Variants in RANBP2 observed in about 807,000 individuals in gnomAD.
RANBP2 encodes E3 SUMO-protein ligase RanBP2.
Under a neutral mutation model 303.6 loss-of-function variants are expected in RANBP2, and 57 were observed. The ratio of observed to expected loss-of-function variants is 0.19; its 90% confidence interval spans 0.15 to 0.23. The LOEUF is 0.23. Among genes scored for constraint, RANBP2 ranks in the 10% least tolerant of loss-of-function variants. The probability of loss-of-function intolerance (pLI) is 1.00; values close to 1 mark genes in which losing one functional copy is unlikely to be tolerated. For missense variants in RANBP2, 3,138 were observed against 3,780.8 expected, an observed-to-expected ratio of 0.83 and a Z score of 4.46; for synonymous variants, 1,167 against 1,301.5, an observed-to-expected ratio of 0.90 and a Z score of 2.23.
At chr2:109,116,179 C>T in the RANBP2 span, among the ~76,000 whole-genome samples, 1 of 152,128 alleles carries the variant, frequency 6.6e-6, no homozygotes, top group Non-Finnish European at 1.5e-5. Flanking sequence ...TGTTGGTCTG[C>T]CTTGCTAGAT....
chr2:108,972,969 AT>A, the RANBP2 span, among the ~76,000 whole-genome samples: 1 of 151,926 alleles, frequency 6.6e-6, no homozygotes, highest in African/African-American at 2.4e-5. Context: ...GCAGGTGTTT[AT>A]TTTTTTATTT....
the RANBP2 span, among the ~76,000 whole-genome samples, chr2:109,320,648 C>A: frequency 6.6e-6 from 1 of 152,086 alleles, no homozygotes; most frequent in African/African-American, 2.4e-5. Flanking sequence ...CTCTATAACA[C>A]CCAATATGCA....
chr2:108,816,834 C>A, the RANBP2 span, among the ~76,000 whole-genome samples: 1 of 152,114 alleles, frequency 6.6e-6, no homozygotes, highest in African/African-American at 2.4e-5. Context: ...GTAGGGTCTA[C>A]AGGTATACAC....
chr2:108,915,762 T>C, the RANBP2 span, among the ~76,000 whole-genome samples: 2 of 152,062 alleles, frequency 1.3e-5, no homozygotes, highest in African/African-American at 4.8e-5. Flanking sequence ...CTGGGCCTGG[T>C]GGCAGGTGCC....
the RANBP2 span, among the ~76,000 whole-genome samples, chr2:109,071,685 G>T: frequency 6.9e-6 from 1 of 144,750 alleles, no homozygotes; most frequent in African/African-American, 2.6e-5. Flanking sequence ...AAAAAAAAAA[G>T]ACATTTATGT....
chr2:109,597,315 CAG>C, the RANBP2 span, among the ~76,000 whole-genome samples: 2 of 152,186 alleles, frequency 1.3e-5, no homozygotes, highest in African/African-American at 2.4e-5. Flanking sequence ...TAATGGCAAA[CAG>C]AGCTCTGTGT....
chr2:109,074,733 A>G, the RANBP2 span, among the ~76,000 whole-genome samples: 2 of 149,472 alleles, frequency 1.3e-5, no homozygotes, highest in Non-Finnish European at 3.0e-5. Context: ...ATAATTACTT[A>G]AAATGTAAAT....
chr2:108,748,874 A>G (rs1459747280), intron 8 of RANBP2, 46 bp from the exon 9 acceptor site: 7 of 1,611,880 alleles, frequency 4.3e-6, no homozygotes, highest in Middle Eastern at 2.3e-4. Flanking sequence ...AGCAAATACA[A>G]TCTGTAATTT....
the RANBP2 span, among the ~76,000 whole-genome samples, chr2:109,100,604 C>A: frequency 6.6e-6 from 1 of 152,130 alleles, no homozygotes; most frequent in East Asian, 1.9e-4. Flanking sequence ...CGGTAGTGGA[C>A]CCGCCTGGAG....
chr2:109,312,238 A>G, the RANBP2 span, among the ~76,000 whole-genome samples: 1 of 152,228 alleles, frequency 6.6e-6, no homozygotes, highest in African/African-American at 2.4e-5. Context: ...GGCCAGAGGG[A>G]CAAATGTACC....
chr2:109,105,824 G>A, the RANBP2 span, among the ~76,000 whole-genome samples: 11 of 150,992 alleles, frequency 7.3e-5, no homozygotes, highest in African/African-American at 2.7e-4. Context: ...CAAAGTGCTG[G>A]GATTACAGGC....
chr2:109,460,114 C>T, the RANBP2 span, among the ~76,000 whole-genome samples: 1 of 152,204 alleles, frequency 6.6e-6, no homozygotes, highest in Non-Finnish European at 1.5e-5. Context: ...GAGCCCATTG[C>T]TGCACTTCAT....
chr2:109,149,338 T>TTGAGCTCCTCC, the RANBP2 span, among the ~76,000 whole-genome samples: 1 of 152,100 alleles, frequency 6.6e-6, no homozygotes, highest in Non-Finnish European at 1.5e-5. Flanking sequence ...TGAGCTCCTC[T>TTGAGCTCCTCC]ACTCCATTTA....
At chr2:109,165,082 T>C in the RANBP2 span, among the ~76,000 whole-genome samples, 12 of 152,236 alleles carry the variant, frequency 7.9e-5, no homozygotes, top group Admixed American at 2.0e-4. Context: ...CAGAATTCTG[T>C]GTTCTTACTC....
chr2:108,775,758 C>T lies in RANBP2; in HGVS notation c.8319C>T (p.Ser2773=), dbSNP rs373709721. The T allele has an allele frequency of 1.5e-5, 24 of 1,613,636 alleles. No homozygotes were observed. Among genetic ancestry groups the T allele is most frequent in the Non-Finnish European group, 1.9e-5 (22 of 1,179,922 alleles). ...AATCTCAGACAGAAGAAATAACTAG[C>T]ACAACTGACAGTGTATATACAGGTG... ...AQKSQTEEIT[S]TTDSVYTGGT... is the part of the protein sequence containing the mutation. Residue 2773 remains serine (S), a synonymous_variant, in exon 24 of 29, where the codon AGC becomes AGT. Coordinates refer to ENST00000283195, the MANE Select transcript of RANBP2 (RefSeq NM_006267.5).
At chr2:109,598,347 C>T in the RANBP2 span, among the ~76,000 whole-genome samples, 5 of 151,962 alleles carry the variant, frequency 3.3e-5, no homozygotes, top group African/African-American at 1.2e-4. Flanking sequence ...GGATTATAGG[C>T]GTGAGCCACT....
chr2:109,078,100 A>ATGGCG, the RANBP2 span, among the ~76,000 whole-genome samples: 1,345 of 70,004 alleles, frequency 0.019, 131 homozygotes, highest in African/African-American at 0.062. Flanking sequence ...ATATATATAT[A>ATGGCG]TATATATATA....
chr2:109,055,371 T>TA, the RANBP2 span, among the ~76,000 whole-genome samples: 1 of 148,710 alleles, frequency 6.7e-6, no homozygotes, highest in Non-Finnish European at 1.5e-5. Flanking sequence ...CTTTTCTTTT[T>TA]TTTTTTTTTT....
the RANBP2 span, among the ~76,000 whole-genome samples, chr2:109,345,642 T>TA: frequency 2.0e-5 from 3 of 152,154 alleles, no homozygotes; most frequent in Non-Finnish European, 4.4e-5. Flanking sequence ...CCTTGATGGA[T>TA]ATCTAAGTGT....
Sources: gnomAD v4.1 joint callset for allele counts (sites outside exome capture counted in the v4.1 genomes callset) on GRCh38, gnomAD v4.1.1 for gene constraint, MANE v1.5 for transcripts, NCBI Gene and HGNC (gene_info 2026-07-23, HGNC 2026-07-21) for gene names.